IL1RAPL1: variants seen among roughly 807,000 people sequenced by gnomAD.
IL1RAPL1 encodes interleukin 1 receptor accessory protein like 1, also known as interleukin-1 receptor accessory protein-like 1.
In IL1RAPL1, 3 loss-of-function variants were observed where a neutral mutation model predicts 48.4. That is an observed-to-expected ratio of 0.06 (90% CI 0.03 to 0.16). The LOEUF (loss-of-function observed/expected upper bound fraction) is 0.16, where lower values mean the gene tolerates loss of function less well. Ranked by LOEUF, IL1RAPL1 falls within the 10% of genes least tolerant of loss-of-function variation. The pLI, the probability that IL1RAPL1 is intolerant of heterozygous loss-of-function variation, is 1.00. For missense variants in IL1RAPL1, 349 were observed against 530.6 expected, an observed-to-expected ratio of 0.66 and a Z score of 3.36; for synonymous variants, 185 against 187.7, an observed-to-expected ratio of 0.99 and a Z score of 0.12.
At chrX:29,149,346 C>T (rs1002092767) in intron 2 of IL1RAPL1, among the ~76,000 whole-genome samples, 1 of 111,059 alleles carries the variant, frequency 9.0e-6, no homozygotes, top group Non-Finnish European at 1.9e-5. Flanking sequence ...TTTGAAACAA[C>T]TGATATAAAG....
At chrX:29,658,217 G>C (rs1925742679) in intron 5 of IL1RAPL1, among the ~76,000 whole-genome samples, 1 of 111,460 alleles carries the variant, frequency 9.0e-6, no homozygotes, top group Admixed American at 9.6e-5. Context: ...TCAGGGTTTA[G>C]TGGGTGGTTA....
chrX:28,608,686 T>G (rs910083252), intron 1 of IL1RAPL1, among the ~76,000 whole-genome samples: 1 of 111,802 alleles, frequency 8.9e-6, no homozygotes, highest in African/African-American at 3.2e-5. Context: ...GTGGTCAAAT[T>G]ACATATATTG....
chrX:28,731,238 AC>A (rs1182068941), intron 1 of IL1RAPL1, among the ~76,000 whole-genome samples: 2 of 111,910 alleles, frequency 1.8e-5, no homozygotes, highest in African/African-American at 3.2e-5. Context: ...TATAAAAAAA[AC>A]ATCCTAAGGG....
intron 1 of IL1RAPL1, among the ~76,000 whole-genome samples, chrX:28,766,134 A>G (rs1936235572): frequency 9.0e-6 from 1 of 111,537 alleles, no homozygotes; most frequent in African/African-American, 3.3e-5. Context: ...AATGAATTCT[A>G]CCTTTTTCAT....
chrX:29,456,292 T>A (rs1402530594), intron 5 of IL1RAPL1, among the ~76,000 whole-genome samples: 2 of 111,830 alleles, frequency 1.8e-5, no homozygotes, highest in Admixed American at 9.5e-5. Context: ...TGAATTATAA[T>A]CATTGTCTAA....
chrX:28,618,396 C>T (rs1283218324), intron 1 of IL1RAPL1, among the ~76,000 whole-genome samples: 1 of 112,363 alleles, frequency 8.9e-6, no homozygotes, highest in Non-Finnish European at 1.9e-5. Flanking sequence ...AGTTAATATA[C>T]ACAATACGTG....
Position 29,069,973 on chromosome X carries a change from C to T in IL1RAPL1, c.83-212965C>T, listed in dbSNP as rs141003207. On this transcript the variant is annotated intron_variant, in intron 2 of 10. Transcript: ENST00000378993. Reference sequence around the variant, plus strand: ...TCAAGAATAGATCACCCCATGACCACCTGGTCCTATATCAGTTCATTTCTC... The same window carrying T: ...TCAAGAATAGATCACCCCATGACCATCTGGTCCTATATCAGTTCATTTCTC... Among the ~76,000 whole-genome samples, 702 of 111,397 alleles carry T rather than the reference C, an allele frequency of 6.3e-3. 8 individuals are homozygous for T. The highest frequency in any genetic ancestry group is 0.022 in the African/African-American group (672 of 30,666).
intron 6 of IL1RAPL1, among the ~76,000 whole-genome samples, chrX:29,805,413 A>G (rs1459913643): frequency 9.2e-6 from 1 of 108,312 alleles, no homozygotes; most frequent in Non-Finnish European, 1.9e-5. Flanking sequence ...ACACACACAC[A>G]TGCACGCACA....
At position 29,955,719 on chromosome X, in the gene IL1RAPL1, A is replaced by G. The variant is rs1933406414; in HGVS notation, c.1990A>G (p.Thr664Ala). 1 of 1,209,814 alleles carries G rather than the reference A, an allele frequency of 8.3e-7. No individual in the cohort carries two copies. The highest frequency in any genetic ancestry group is 1.8e-5 in the African/African-American group (1 of 57,104). The change falls in exon 11 of 11, where the codon ACA becomes GCA. Residue 664 changes from threonine (T) to alanine (A), a missense_variant. Around this residue, in one of 3 missense-constraint regions of IL1RAPL1, gnomAD observed 65 missense variants for 79.6 expected, o/e 0.82. Transcript: ENST00000378993. ...ACTCATCAACGGGCAGCGGCCACAGACAAAATCGAGCAGGGAGCAGAATCC... is the reference window on the plus strand; with the variant it reads ...ACTCATCAACGGGCAGCGGCCACAGGCAAAATCGAGCAGGGAGCAGAATCC... ...MTLINGQRPQ[T>A]KSSREQNPDE... is the part of the protein sequence containing the mutation.
chrX:28,875,178 C>G (rs991527402), intron 2 of IL1RAPL1, among the ~76,000 whole-genome samples: 4 of 111,900 alleles, frequency 3.6e-5, no homozygotes, highest in Admixed American at 1.9e-4. Context: ...ATAGAAAGAG[C>G]ACATTGGCTT....
intron 6 of IL1RAPL1, among the ~76,000 whole-genome samples, chrX:29,687,868 C>CT (rs1413999228): frequency 9.0e-6 from 1 of 111,722 alleles, no homozygotes; most frequent in Non-Finnish European, 1.9e-5. Context: ...TTCTAGAGCT[C>CT]TTTGCTCTCC....
intron 2 of IL1RAPL1, among the ~76,000 whole-genome samples, chrX:29,018,803 C>T (rs1446556891): frequency 8.9e-6 from 1 of 111,917 alleles, no homozygotes; most frequent in Non-Finnish European, 1.9e-5. Flanking sequence ...CAAACCACCA[C>T]ATTTTTTGCC....
intron 6 of IL1RAPL1, among the ~76,000 whole-genome samples, chrX:29,916,835 A>G (rs1442161629): frequency 1.8e-5 from 2 of 112,580 alleles, no homozygotes; most frequent in East Asian, 5.5e-4. Flanking sequence ...TCTTTACAGT[A>G]GTATAACTGA....
chrX:29,059,836 A>G (rs1215264287), intron 2 of IL1RAPL1, among the ~76,000 whole-genome samples: 1 of 111,634 alleles, frequency 9.0e-6, no homozygotes, highest in Non-Finnish European at 1.9e-5. Context: ...AATAGTATTC[A>G]TGGTCTTTTT....
At position 29,527,326 on chromosome X, in the gene IL1RAPL1, CTTTTTTTTT is replaced by C. The variant is rs61003668; in HGVS notation, c.703+128040_703+128048del. ...TAGGACTTGCATGTAGGGAAGGACT[CTTTTTTTTT>C]TTTTTTTTTTTTTTTTTTTTTGAGA... On this transcript the variant is annotated intron_variant, in intron 5 of 10. Coordinates refer to ENST00000378993, the MANE Select transcript of IL1RAPL1 (RefSeq NM_014271.4). Among the ~76,000 whole-genome samples the C allele has an allele frequency of 9.4e-3, 241 of 25,563 alleles. 3 individuals carry two copies. Among genetic ancestry groups the C allele is most frequent in the Admixed American group, 0.054 (73 of 1,343 alleles). The allele number at this position is 25,563 out of a possible 115,157, so 22.2% of individuals were successfully genotyped here.
intron 2 of IL1RAPL1, among the ~76,000 whole-genome samples, chrX:29,139,501 G>A (rs1406157080): frequency 9.1e-6 from 1 of 110,221 alleles, no homozygotes; most frequent in Non-Finnish European, 1.9e-5. Flanking sequence ...TATATTCTTA[G>A]CCTTAGGTTA....
At chrX:28,838,094 G>C (rs970689109) in intron 2 of IL1RAPL1, among the ~76,000 whole-genome samples, 9 of 109,896 alleles carry the variant, frequency 8.2e-5, no homozygotes, top group Non-Finnish European at 1.3e-4. Context: ...ACTCTAGGAA[G>C]AACGTTAGTT....
chrX:29,714,258 C>T (rs1346666080), intron 6 of IL1RAPL1, among the ~76,000 whole-genome samples: 2 of 111,550 alleles, frequency 1.8e-5, no homozygotes, highest in African/African-American at 3.3e-5. Context: ...AGAAGACAAT[C>T]AGGGTTGTGC....
At chrX:29,654,647 G>A (rs1356449906) in intron 5 of IL1RAPL1, among the ~76,000 whole-genome samples, 1 of 111,527 alleles carries the variant, frequency 9.0e-6, no homozygotes, top group Admixed American at 9.5e-5. Context: ...CTCCTCCCAC[G>A]ACATGTGGGA....
Sources: gnomAD v4.1 joint callset for allele counts (sites outside exome capture counted in the v4.1 genomes callset) on GRCh38, gnomAD v4.1.1 for gene constraint, gnomAD v4.1.1 regional missense constraint, MANE v1.5 for transcripts, NCBI Gene and HGNC (gene_info 2026-07-23, HGNC 2026-07-21) for gene names.